KIRREL3: variants seen among roughly 807,000 people sequenced by gnomAD.
KIRREL3 encodes kirre like nephrin family adhesion molecule 3.
A neutral mutation model predicts 89.7 loss-of-function variants in KIRREL3; 36 were observed. That is an observed-to-expected ratio of 0.40 (90% CI 0.31 to 0.53). KIRREL3 has a LOEUF of 0.53. Among genes scored for constraint, KIRREL3 ranks in the 20% least tolerant of loss-of-function variants. The probability of loss-of-function intolerance (pLI) is 0.49; values close to 1 mark genes in which losing one functional copy is unlikely to be tolerated. For synonymous variants in KIRREL3, 445 were observed against 441.4 expected (o/e 1.01, Z -0.10); for missense variants, 864 against 1,056.6 (o/e 0.82, Z 2.53).
chr11:126,612,979 G>C lies in KIRREL3; in HGVS notation c.56-50067C>G, dbSNP rs1565592579. On this transcript the variant is annotated intron_variant, in intron 1 of 16. Coordinates refer to ENST00000525144, the MANE Select transcript of KIRREL3 (RefSeq NM_032531.4). This position sits in a 1 kb window ranked among gnomAD's most constrained non-coding sequence, Gnocchi z 4.5. Reference sequence around the variant, plus strand: ...GTTTTTGTGTGAACGTATGTTTTCAGTACTCTTGGGTATATACTTAGAAGT... The same window carrying C: ...GTTTTTGTGTGAACGTATGTTTTCACTACTCTTGGGTATATACTTAGAAGT... Among the ~76,000 whole-genome samples, 1 of 152,162 alleles carries C rather than the reference G, an allele frequency of 6.6e-6. No homozygotes were observed.
chr11:126,836,145 G>T (rs1186473873), intron 1 of KIRREL3, among the ~76,000 whole-genome samples: 1 of 152,118 alleles, frequency 6.6e-6, no homozygotes, highest in African/African-American at 2.4e-5. Flanking sequence ...AAACCTTAAC[G>T]GTGCAAACAA....
At position 126,752,995 on chromosome 11, in the gene KIRREL3, G is replaced by A. The variant is rs952137246; in HGVS notation, c.56-190083C>T. 6.6e-6 allele frequency among the ~76,000 whole-genome samples: 1 copy of A among 152,052 alleles called. No homozygotes were observed. The highest frequency in any genetic ancestry group is 1.5e-5 in the Non-Finnish European group (1 of 68,020). On this transcript the variant is annotated intron_variant, in intron 1 of 16. Transcript: ENST00000525144. This position sits in a 1 kb window ranked among gnomAD's most constrained non-coding sequence, Gnocchi z 4.8. Reference sequence around the variant, plus strand: ...CTTTGTTTTAGCTGAGAAACCTTGGGGTTTTATGTGACCCATGGGTACAAA... The same window carrying A: ...CTTTGTTTTAGCTGAGAAACCTTGGAGTTTTATGTGACCCATGGGTACAAA...
intron 5 of KIRREL3, among the ~76,000 whole-genome samples, chr11:126,465,936 C>T (rs74767680): frequency 0.17 from 25,422 of 152,124 alleles, 2,643 homozygotes; most frequent in East Asian, 0.39. Context: ...CGCGCAGGGG[C>T]GGGGAGGTGG....
At position 126,475,578 on chromosome 11, in the gene KIRREL3, C is replaced by G. The variant is rs1486915772; in HGVS notation, c.434-2112G>C. Among the ~76,000 whole-genome samples, 2 of 152,238 alleles carry G rather than the reference C, an allele frequency of 1.3e-5. No homozygotes were observed. The highest frequency in any genetic ancestry group is 4.8e-5 in the African/African-American group (2 of 41,470). On this transcript the variant is annotated intron_variant, in intron 4 of 16. Transcript: ENST00000525144. This position sits in a 1 kb window ranked among gnomAD's most constrained non-coding sequence, Gnocchi z 7.5. The stretch of plus-strand genomic sequence containing the variant: ...AGCGAGCCCCGGACTCCACCGAGAT[C>G]CTGGCTCAGGAACAGAGTCTGCCTC...
intron 1 of KIRREL3, among the ~76,000 whole-genome samples, chr11:126,749,416 C>T (rs1949261953): frequency 1.3e-5 from 2 of 152,136 alleles, no homozygotes; most frequent in South Asian, 4.1e-4. Flanking sequence ...CCCCATTCCT[C>T]GGTGCTCAAT....
Position 126,771,311 on chromosome 11 carries a change from T to G in KIRREL3, c.56-208399A>C, listed in dbSNP as rs1269178918. ...GGCTTAGAGTGGTTAAATGACCTGCTTGAGTCCAGTTAACAGACATGAGGT... is the reference window on the plus strand; with the variant it reads ...GGCTTAGAGTGGTTAAATGACCTGCGTGAGTCCAGTTAACAGACATGAGGT... On this transcript the variant is annotated intron_variant, in intron 1 of 16. Coordinates refer to ENST00000525144, the MANE Select transcript of KIRREL3 (RefSeq NM_032531.4). The surrounding 1 kb of genome is among the most constrained non-coding windows in gnomAD (Gnocchi z 4.4). 1.3e-5 allele frequency among the ~76,000 whole-genome samples: 2 copies of G among 152,126 alleles called. No individual in the cohort carries two copies. Among genetic ancestry groups the G allele is most frequent in the Non-Finnish European group, 2.9e-5 (2 of 68,016 alleles).
intron 1 of KIRREL3, among the ~76,000 whole-genome samples, chr11:126,820,522 A>T (rs11220624): frequency 0.31 from 46,999 of 152,034 alleles, 7,648 homozygotes; most frequent in East Asian, 0.43. Context: ...AACAGAGAAG[A>T]ATACAAACAC....
intron 4 of KIRREL3, among the ~76,000 whole-genome samples, chr11:126,506,587 A>G (rs1958023062): frequency 6.6e-6 from 1 of 152,248 alleles, no homozygotes; most frequent in Non-Finnish European, 1.5e-5. Context: ...AAGGATGTAG[A>G]GAAACTGGAA....
At chr11:126,597,313 G>A (rs1942445603) in intron 1 of KIRREL3, among the ~76,000 whole-genome samples, 2 of 152,248 alleles carry the variant, frequency 1.3e-5, no homozygotes, top group Non-Finnish European at 2.9e-5. Flanking sequence ...CCCGCTGCAA[G>A]CTGACAAGGC....
chr11:126,793,091 T>C (rs974812194), intron 1 of KIRREL3, among the ~76,000 whole-genome samples: 1 of 152,188 alleles, frequency 6.6e-6, no homozygotes, highest in African/African-American at 2.4e-5. Context: ...TGTTAACTTT[T>C]ACCTTTTTAG....
rs915169517 is a variant in KIRREL3 at position 126,883,995 on chromosome 11, G to A, written c.55+116460C>T. On this transcript the variant is annotated intron_variant, in intron 1 of 16. Transcript: ENST00000525144. This position sits in a 1 kb window ranked among gnomAD's most constrained non-coding sequence, Gnocchi z 4.1. ...GCAGGTATTAAAGTGGAGGGTGACTGGCCACCCGGGGAGATTGACAAGTGA... is the reference window on the plus strand; with the variant it reads ...GCAGGTATTAAAGTGGAGGGTGACTAGCCACCCGGGGAGATTGACAAGTGA... 6.6e-6 allele frequency among the ~76,000 whole-genome samples: 1 copy of A among 152,136 alleles called. No individual in the cohort carries two copies. The highest frequency in any genetic ancestry group is 2.4e-5 in the African/African-American group (1 of 41,422).
In KIRREL3 at chr11:126,456,471, G is replaced by C; in HGVS notation, c.743-17C>G. ...GTGGAGGGTCTGCAGGGAGAGGAGA[G>C]TCACTTGTAGACCGGAGAAAGAATG... is the stretch of plus-strand genomic sequence containing the variant. On this transcript the variant is annotated splice_polypyrimidine_tract_variant and intron_variant, in intron 6 of 16. Coordinates refer to ENST00000525144, the MANE Select transcript of KIRREL3 (RefSeq NM_032531.4). 6.7e-7 allele frequency: 1 copy of C among 1,502,758 alleles called. No homozygotes were observed. Among genetic ancestry groups the C allele is most frequent in the South Asian group, 1.2e-5 (1 of 83,168 alleles). The allele number at this position is 1,502,758 out of a possible 1,614,324, so 93.1% of individuals were successfully genotyped here.
rs1054625871 is a variant in KIRREL3, at chr11:126,555,083, A to C, written c.133+7752T>G. Among the ~76,000 whole-genome samples the C allele has an allele frequency of 2.6e-5, 4 of 152,146 alleles. No individual in the cohort carries two copies. The highest frequency in any genetic ancestry group is 5.9e-5 in the Non-Finnish European group (4 of 68,022). On this transcript the variant is annotated intron_variant, in intron 2 of 16. Coordinates refer to ENST00000525144, the MANE Select transcript of KIRREL3 (RefSeq NM_032531.4). This position sits in a 1 kb window ranked among gnomAD's most constrained non-coding sequence, Gnocchi z 4.2. ...GCATACACTACCCTTCAATCTGTTCATGTGACCTGATTCTTCCTGACACTG... is the reference window on the plus strand; with the variant it reads ...GCATACACTACCCTTCAATCTGTTCCTGTGACCTGATTCTTCCTGACACTG...
rs931216588 is a variant in KIRREL3 at position 126,685,505 on chromosome 11, A to G, written c.56-122593T>C. ...GGGTCTGCCCCCAGTGCATAATAAT[A>G]GCAGTGATAATTAATAATCTATAGT... On this transcript the variant is annotated intron_variant, in intron 1 of 16. Coordinates refer to ENST00000525144, the MANE Select transcript of KIRREL3 (RefSeq NM_032531.4). The surrounding 1 kb of genome is among the most constrained non-coding windows in gnomAD (Gnocchi z 5.5). 6.6e-6 allele frequency among the ~76,000 whole-genome samples: 1 copy of G among 152,196 alleles called. No homozygotes were observed. The highest frequency in any genetic ancestry group is 2.4e-5 in the African/African-American group (1 of 41,450).
Position 126,531,182 on chromosome 11 carries a change from CA to C in KIRREL3, c.134-4496del, listed in dbSNP as rs992733162. 2.0e-5 allele frequency among the ~76,000 whole-genome samples: 3 copies of C among 152,062 alleles called. No individual in the cohort carries two copies. Among genetic ancestry groups the C allele is most frequent in the African/African-American group, 7.2e-5 (3 of 41,414 alleles). On this transcript the variant is annotated intron_variant, in intron 2 of 16. Transcript: ENST00000525144. This position sits in a 1 kb window ranked among gnomAD's most constrained non-coding sequence, Gnocchi z 4.7. ...ACTGAGCCTAGCCCAGCAGGCTGTA[CA>C]TCTCTCAGACTTCCCCTTTCCTCTC...
chr11:126,896,793 T>C lies in KIRREL3; in HGVS notation c.55+103662A>G, dbSNP rs117107296. 2.7e-3 allele frequency among the ~76,000 whole-genome samples: 405 copies of C among 152,324 alleles called. 1 individual carries two copies. The highest frequency in any genetic ancestry group is 3.4e-3 in the Middle Eastern group (1 of 294). ...ACCACGTGTTCCAACTCTAGAACTATGTAACTGCTCAGATCTTACCCAAGC... is the reference window on the plus strand; with the variant it reads ...ACCACGTGTTCCAACTCTAGAACTACGTAACTGCTCAGATCTTACCCAAGC... On this transcript the variant is annotated intron_variant, in intron 1 of 16. Coordinates refer to ENST00000525144, the MANE Select transcript of KIRREL3 (RefSeq NM_032531.4). This position sits in a 1 kb window ranked among gnomAD's most constrained non-coding sequence, Gnocchi z 4.1.
intron 1 of KIRREL3, among the ~76,000 whole-genome samples, chr11:126,869,467 G>T (rs1945034601): frequency 6.6e-6 from 1 of 152,110 alleles, no homozygotes; most frequent in Non-Finnish European, 1.5e-5. Context: ...GTCTATTTCT[G>T]GGCGACTGAA....
In KIRREL3 at chr11:126,703,327, C is replaced by T. The variant is rs1278226904; in HGVS notation, c.56-140415G>A. ...TGGTGCTCCTGAGAGCTGTTCTCTGCAGCAGCTTTGCTCATGGGGCACTGG... is the reference window on the plus strand; with the variant it reads ...TGGTGCTCCTGAGAGCTGTTCTCTGTAGCAGCTTTGCTCATGGGGCACTGG... On this transcript the variant is annotated intron_variant, in intron 1 of 16. Coordinates refer to ENST00000525144, the MANE Select transcript of KIRREL3 (RefSeq NM_032531.4). This position sits in a 1 kb window ranked among gnomAD's most constrained non-coding sequence, Gnocchi z 4.6. Among the ~76,000 whole-genome samples, 3 of 152,240 alleles carry T rather than the reference C, an allele frequency of 2.0e-5. No individual in the cohort carries two copies. The highest frequency in any genetic ancestry group is 7.2e-5 in the African/African-American group (3 of 41,468).
chr11:126,857,955 G>A (rs1305908981), intron 1 of KIRREL3, among the ~76,000 whole-genome samples: 1 of 152,156 alleles, frequency 6.6e-6, no homozygotes, highest in African/African-American at 2.4e-5. Flanking sequence ...CCTTGCCCCA[G>A]ACAGCCACAG....
Sources: gnomAD v4.1 joint callset for allele counts (sites outside exome capture counted in the v4.1 genomes callset) on GRCh38, gnomAD v4.1.1 for gene constraint, Gnocchi (gnomAD v3.1) non-coding constraint, MANE v1.5 for transcripts, NCBI Gene and HGNC (gene_info 2026-07-23, HGNC 2026-07-21) for gene names.